THRAP3: variants seen among roughly 807,000 people sequenced by gnomAD.
The protein encoded by THRAP3 is thyroid hormone receptor-associated protein 3.
Under a neutral mutation model 101.0 loss-of-function variants are expected in THRAP3, and 16 were observed. The observed-to-expected ratio is 0.16, with a 90% confidence interval of 0.11 to 0.24. THRAP3 has a LOEUF of 0.24. Ranked by LOEUF, THRAP3 falls within the 10% of genes least tolerant of loss-of-function variation. The pLI is 1.00. For missense variants in THRAP3, 989 were observed against 1,202.7 expected (o/e 0.82, Z 2.63); for synonymous variants, 407 against 422.6 (o/e 0.96, Z 0.45).
intron 4 of THRAP3, chr1:36,287,815 G>T (rs1222779419): frequency 1.0e-6 from 1 of 985,308 alleles, no homozygotes; most frequent in Admixed American, 6.1e-5. Context: ...AGCCAACACG[G>T]CTGCGTGTTA....
intron 9 of THRAP3, among the ~76,000 whole-genome samples, chr1:36,298,118 G>C (rs1392691417): frequency 7.7e-6 from 1 of 129,740 alleles, no homozygotes; most frequent in Non-Finnish European, 1.5e-5. Flanking sequence ...CTGCATTCCA[G>C]CCTAGGCGAC....
At chr1:36,283,457 A>C (rs1645758149) in intron 3 of THRAP3, among the ~76,000 whole-genome samples, 1 of 152,196 alleles carries the variant, frequency 6.6e-6, no homozygotes, top group African/African-American at 2.4e-5. Context: ...TGGATAGATA[A>C]GAAGCTTTCA....
chr1:36,294,161 G>A, intron 8 of THRAP3: 1 of 1,270,768 alleles, frequency 7.9e-7, no homozygotes, highest in Non-Finnish European at 9.9e-7. Context: ...CTATTGAGGT[G>A]AGCTTGAGAA....
chr1:36,233,639 G>A (rs569927974), intron 1 of THRAP3, among the ~76,000 whole-genome samples: 2 of 152,140 alleles, frequency 1.3e-5, no homozygotes, highest in East Asian at 3.9e-4. Flanking sequence ...GGTGGCATGA[G>A]CCTGTAGTCC....
At chr1:36,252,835 G>A (rs1226712943) in intron 1 of THRAP3, among the ~76,000 whole-genome samples, 1 of 150,402 alleles carries the variant, frequency 6.6e-6, no homozygotes, top group African/African-American at 2.4e-5. Flanking sequence ...TGAACCCGGA[G>A]GACAGGGGTT....
chr1:36,291,651 G>C, intron 6 of THRAP3, 105 bp downstream of exon 6: 1 of 1,296,900 alleles, frequency 7.7e-7, no homozygotes, highest in Non-Finnish European at 1.1e-6. Flanking sequence ...CTCATCTAAA[G>C]GGCCTTTGAA....
intron 8 of THRAP3, among the ~76,000 whole-genome samples, chr1:36,296,031 T>G (rs1014624586): frequency 7.2e-6 from 1 of 139,142 alleles, no homozygotes; most frequent in African/African-American, 2.7e-5. Flanking sequence ...TGGAGTGCAG[T>G]GGTGCGATCT....
At chr1:36,218,178 A>G in the THRAP3 span, among the ~76,000 whole-genome samples, 1 of 151,274 alleles carries the variant, frequency 6.6e-6, no homozygotes, top group Non-Finnish European at 1.5e-5. Flanking sequence ...CAGCCTGGCC[A>G]ACATGGTGAA....
intron 2 of THRAP3, among the ~76,000 whole-genome samples, chr1:36,265,328 CTT>C (rs1645499601): frequency 6.6e-6 from 1 of 152,226 alleles, no homozygotes; most frequent in East Asian, 1.9e-4. Context: ...TACTAGTAAT[CTT>C]TTTGACTTTA....
At chr1:36,297,742 C>T (rs1239133244) in intron 9 of THRAP3, among the ~76,000 whole-genome samples, 1 of 151,648 alleles carries the variant, frequency 6.6e-6, no homozygotes, top group Admixed American at 6.6e-5. Flanking sequence ...CATGCCTGGC[C>T]GCGTTTTTAT....
At chr1:36,237,781 A>C (rs1645108548) in intron 1 of THRAP3, among the ~76,000 whole-genome samples, 1 of 151,926 alleles carries the variant, frequency 6.6e-6, no homozygotes, top group Non-Finnish European at 1.5e-5. Flanking sequence ...AACAAAACAA[A>C]CAAACAAAAA....
At chr1:36,254,394 A>G (rs1645347178) in intron 1 of THRAP3, among the ~76,000 whole-genome samples, 1 of 152,230 alleles carries the variant, frequency 6.6e-6, no homozygotes, top group South Asian at 2.1e-4. Flanking sequence ...ATTCAATAAC[A>G]AAATGATTCA....
chr1:36,235,446 G>A (rs1367222683), intron 1 of THRAP3, among the ~76,000 whole-genome samples: 1 of 152,166 alleles, frequency 6.6e-6, no homozygotes, highest in Non-Finnish European at 1.5e-5. Context: ...TTAAGATAGT[G>A]AAGGATGGTG....
the THRAP3 span, among the ~76,000 whole-genome samples, chr1:36,213,416 C>T: frequency 2.0e-5 from 3 of 152,216 alleles, no homozygotes; most frequent in Admixed American, 1.3e-4. Flanking sequence ...AGGCCTAAAA[C>T]AGGATGGTAG....
intron 8 of THRAP3, among the ~76,000 whole-genome samples, chr1:36,294,833 C>T (rs1158179120): frequency 6.6e-6 from 1 of 152,182 alleles, no homozygotes; most frequent in Non-Finnish European, 1.5e-5. Flanking sequence ...GGAGGTGTTA[C>T]CCCTGGGAGC....
At chr1:36,233,268 G>A (rs1645049306) in intron 1 of THRAP3, among the ~76,000 whole-genome samples, 1 of 151,694 alleles carries the variant, frequency 6.6e-6, no homozygotes, top group Admixed American at 6.6e-5. Context: ...AGCACTTTGG[G>A]AGGCTGAGAT....
chr1:36,220,925 C>T (rs1317592610), upstream of THRAP3, among the ~76,000 whole-genome samples: 2 of 134,232 alleles, frequency 1.5e-5, no homozygotes, highest in Admixed American at 8.3e-5. Flanking sequence ...TACTGCACTC[C>T]AGCCCAGGCA....
At chr1:36,291,590 T>G in intron 6 of THRAP3, 44 bp downstream of exon 6, 1 of 1,596,298 alleles carries the variant, frequency 6.3e-7, no homozygotes, top group Non-Finnish European at 8.6e-7. Flanking sequence ...GTTCCACACT[T>G]AGAAGAAGGA....
rs1160846188 is a variant in THRAP3, at chr1:36,289,114, A to C, written c.1095A>C (p.Thr365=). 1 of 1,610,362 alleles carries C rather than the reference A, an allele frequency of 6.2e-7. No individual in the cohort carries two copies. The highest frequency in any genetic ancestry group is 2.2e-5 in the East Asian group (1 of 44,874). The change falls in exon 5 of 12, where the codon ACA becomes ACC. Residue 365 remains threonine, a synonymous_variant. Transcript: ENST00000354618. The part of the protein sequence containing the change: ...ENGKDKEQKQ[T]NTDKEKIKEK... Reference sequence around the variant, plus strand: ...GAAAAGATAAGGAACAGAAACAAACAAATACCGATAAAGAAAAAATAAAAG... The same window carrying C: ...GAAAAGATAAGGAACAGAAACAAACCAATACCGATAAAGAAAAAATAAAAG...
Sources: gnomAD v4.1 joint callset for allele counts (sites outside exome capture counted in the v4.1 genomes callset) on GRCh38, gnomAD v4.1.1 for gene constraint, MANE v1.5 for transcripts, NCBI Gene and HGNC (gene_info 2026-07-23, HGNC 2026-07-21) for gene names.